Variants in FGFR2 observed in about 807,000 individuals in gnomAD.
FGFR2 encodes the protein BEK fibroblast growth factor receptor.
A neutral mutation model predicts 95.9 loss-of-function variants in FGFR2; 19 were observed. That is an observed-to-expected ratio of 0.20 (90% confidence interval 0.14 to 0.29). The LOEUF (loss-of-function observed/expected upper bound fraction) is 0.29, where lower values mean the gene tolerates loss of function less well. Ranked by LOEUF, FGFR2 falls within the 10% of genes least tolerant of loss-of-function variation. FGFR2 has a pLI of 1.00. For missense variants in FGFR2, 707 were observed against 1,056.9 expected, an observed-to-expected ratio of 0.67 and a Z score of 4.59; for synonymous variants, 392 against 393.3, an observed-to-expected ratio of 1.00 and a Z score of 0.04.
At chr10:121,535,658 C>T (rs1337572229) in intron 6 of FGFR2, among the ~76,000 whole-genome samples, 2 of 152,198 alleles carry the variant, frequency 1.3e-5, no homozygotes, top group African/African-American at 2.4e-5. Flanking sequence ...ATTTTATTAT[C>T]GCCACAATTA....
At chr10:121,480,694 A>G (rs1844562601) in intron 17 of FGFR2, among the ~76,000 whole-genome samples, 1 of 152,202 alleles carries the variant, frequency 6.6e-6, no homozygotes, top group Admixed American at 6.5e-5. Context: ...TAAATCCATA[A>G]TGCACTGTTA....
At chr10:121,516,217 A>C (rs1405766931) in intron 8 of FGFR2, among the ~76,000 whole-genome samples, 1 of 152,216 alleles carries the variant, frequency 6.6e-6, no homozygotes, top group African/African-American at 2.4e-5. Context: ...TAGCACTGTC[A>C]GGCAAACTGG....
Position 121,598,281 on chromosome 10 carries a change from C to G in FGFR2, c.-470G>C, listed in dbSNP as rs1863736584. 5.2e-6 allele frequency: 2 copies of G among 382,240 alleles called. No homozygotes were observed. Among genetic ancestry groups the G allele is most frequent in the Non-Finnish European group, 9.3e-6 (2 of 215,652 alleles). 23.7% of individuals were successfully genotyped at this position (382,240 alleles called of 1,614,324 possible). ...GCAGGCAAGCTGCGGCCTCGGGGCC[C>G]CCGGGGCTCGCGGCCGGCCCCCGCC... On this transcript the variant is annotated 5_prime_UTR_variant, in exon 1 of 18. Coordinates refer to ENST00000358487, the MANE Select transcript of FGFR2 (RefSeq NM_000141.5).
intron 2 of FGFR2, among the ~76,000 whole-genome samples, chr10:121,586,770 G>A (rs536814609): frequency 1.3e-5 from 2 of 152,312 alleles, no homozygotes; most frequent in Admixed American, 1.3e-4. Flanking sequence ...ATAGAAGTCA[G>A]CTACCACATA....
chr10:121,483,806 G>A lies in FGFR2; in HGVS notation c.2196-3C>T, dbSNP rs894067673. The A allele has an allele frequency of 9.3e-6, 15 of 1,609,032 alleles. No individual in the cohort carries two copies. Among genetic ancestry groups the A allele is most frequent in the Non-Finnish European group, 1.2e-5 (14 of 1,176,214 alleles). ...AACAGTCCCTCATCATCATGTACCT[G>A]GGAAAAATGGATTTCCTTGAATTAA... On this transcript the variant is annotated splice_region_variant and splice_polypyrimidine_tract_variant and intron_variant, in intron 16 of 17. Coordinates refer to ENST00000358487, the MANE Select transcript of FGFR2 (RefSeq NM_000141.5).
chr10:121,526,037 G>T, intron 6 of FGFR2: 1 of 395,466 alleles, frequency 2.5e-6, no homozygotes, highest in South Asian at 1.4e-4. Flanking sequence ...CGAATCACAC[G>T]GAGTTCCCAG....
At chr10:121,592,031 T>C (rs1314552475) in intron 2 of FGFR2, among the ~76,000 whole-genome samples, 2 of 152,170 alleles carry the variant, frequency 1.3e-5, no homozygotes, top group African/African-American at 4.8e-5. Context: ...CACTTTATGT[T>C]GAAATAAACT....
chr10:121,524,450 T>C (rs1851046925), intron 6 of FGFR2, among the ~76,000 whole-genome samples: 1 of 152,198 alleles, frequency 6.6e-6, no homozygotes, highest in African/African-American at 2.4e-5. Flanking sequence ...TCATGTTTCA[T>C]TTCTCCACAT....
chr10:121,556,102 T>C (rs997828147), intron 4 of FGFR2, among the ~76,000 whole-genome samples: 5 of 151,904 alleles, frequency 3.3e-5, no homozygotes, highest in African/African-American at 7.3e-5. Context: ...TCAAGCGTTA[T>C]TGGATGGATG....
intron 6 of FGFR2, among the ~76,000 whole-genome samples, chr10:121,528,609 G>A (rs971635033): frequency 5.3e-5 from 8 of 152,154 alleles, no homozygotes; most frequent in Non-Finnish European, 1.2e-4. Flanking sequence ...GCCCATCTGA[G>A]CAAACAAGAA....
At chr10:121,522,194 A>G (rs1850658258) in intron 6 of FGFR2, among the ~76,000 whole-genome samples, 1 of 152,234 alleles carries the variant, frequency 6.6e-6, no homozygotes, top group Non-Finnish European at 1.5e-5. Context: ...CAAGATGAGC[A>G]AACTCTAGAG....
chr10:121,481,846 T>TTC (rs1844756640), intron 17 of FGFR2: 1 of 179,252 alleles, frequency 5.6e-6, no homozygotes. Context: ...TTTTATTTTT[T>TTC]TTTTTTTTGA....
intron 10 of FGFR2, among the ~76,000 whole-genome samples, chr10:121,502,849 T>C (rs530975995): frequency 2.6e-5 from 4 of 152,252 alleles, no homozygotes; most frequent in East Asian, 3.9e-4. Context: ...CTGCACTTCC[T>C]TTCATAAGGA....
chr10:121,517,117 TTGATCATAAATGTGAG>T lies in FGFR2; in HGVS notation c.1084+186_1084+201del. The T allele has an allele frequency of 1.5e-6, 1 of 645,890 alleles. No individual in the cohort carries two copies. The highest frequency in any genetic ancestry group is 2.7e-6 in the Non-Finnish European group (1 of 368,296). The allele number at this position is 645,890 out of a possible 1,614,324, so 40.0% of individuals were successfully genotyped here. A position where few individuals can be genotyped will look rare whatever the true frequency, so the allele number is the denominator to read the frequency against. ...TCAGGTTTTAAGGGTGAAATTTCCC[TTGATCATAAATGTGAG>T]TGTGGGATCTCACTGTGTGTGAATT... is the stretch of plus-strand genomic sequence containing the variant. On this transcript the variant is annotated intron_variant, in intron 8 of 17. Transcript: ENST00000358487. The surrounding 1 kb of genome is among the most constrained non-coding windows in gnomAD (Gnocchi z 4.7).
chr10:121,488,834 C>T lies in FGFR2; in HGVS notation c.1864-721G>A, dbSNP rs376230139. Among the ~76,000 whole-genome samples, 4 of 152,278 alleles carry T rather than the reference C, an allele frequency of 2.6e-5. 1 individual carries two copies. The highest frequency in any genetic ancestry group is 1.3e-4 in the Admixed American group (2 of 15,292). ...ACACTTGCTCTCCTGCCCTTTAAAC[C>T]TGAATTTTCAGAAGCGTTGGTTAAA... On this transcript the variant is annotated intron_variant, in intron 13 of 17. Coordinates refer to ENST00000358487, the MANE Select transcript of FGFR2 (RefSeq NM_000141.5).
chr10:121,588,430 C>A lies in FGFR2; in HGVS notation c.109+5279G>T, dbSNP rs554492886. ...AAATTTAAAAAAAAAAAGAACTTGG[C>A]CTCAAGTTCTTGACCAAACTACACT... On this transcript the variant is annotated intron_variant, in intron 2 of 17. Transcript: ENST00000358487. 2.6e-5 allele frequency among the ~76,000 whole-genome samples: 4 copies of A among 152,086 alleles called. No individual in the cohort carries two copies. In the South Asian group the frequency reaches 8.3e-4, roughly 32 times the overall value.
At chr10:121,566,824 A>G (rs1857737780) in intron 2 of FGFR2, among the ~76,000 whole-genome samples, 1 of 151,946 alleles carries the variant, frequency 6.6e-6, no homozygotes, top group Admixed American at 6.6e-5. Context: ...TGGCAGACAC[A>G]TGGCCATGTC....
intron 2 of FGFR2, among the ~76,000 whole-genome samples, chr10:121,574,285 T>C (rs946353238): frequency 6.6e-6 from 1 of 151,968 alleles, no homozygotes; most frequent in African/African-American, 2.4e-5. Flanking sequence ...TACCAGCACT[T>C]TGGGAGGCCC....
In FGFR2 at chr10:121,485,246, A is replaced by C. The variant is rs1845257897; in HGVS notation, c.2195+149T>G. On this transcript the variant is annotated intron_variant, in intron 16 of 17. Transcript: ENST00000358487. The surrounding 1 kb of genome is among the most constrained non-coding windows in gnomAD (Gnocchi z 4.2). ...GGTTGTCGGTGTCGCTATGTATCCC[A>C]GCTCTGGATTGAGCCCAGAGAGCTT... is the stretch of plus-strand genomic sequence containing the variant. 9.9e-7 allele frequency: 1 copy of C among 1,014,216 alleles called. No homozygotes were observed. The highest frequency in any genetic ancestry group is 1.6e-5 in the African/African-American group (1 of 63,256). The allele number at this position is 1,014,216 out of a possible 1,614,324, so 62.8% of individuals were successfully genotyped here.
Sources: allele counts gnomAD v4.1 joint callset (sites outside exome capture counted in the v4.1 genomes callset), GRCh38; gene constraint gnomAD v4.1.1; non-coding constraint Gnocchi (gnomAD v3.1); transcripts MANE v1.5; gene names NCBI Gene and HGNC (gene_info 2026-07-23, HGNC 2026-07-21).